Variants in SEPTIN11 observed in about 807,000 individuals in gnomAD.
The protein encoded by SEPTIN11 is septin-11.
SEPTIN11 carries 25 observed loss-of-function variants against 51.4 expected under a neutral mutation model. That is an observed-to-expected ratio of 0.49 (90% CI 0.35 to 0.68). SEPTIN11 has a LOEUF of 0.68. SEPTIN11 is among the 30% of genes least tolerant of loss of function. The probability of loss-of-function intolerance (pLI) is 0.00; values close to 1 mark genes in which losing one functional copy is unlikely to be tolerated. For synonymous variants in SEPTIN11, 174 were observed against 184.1 expected, an observed-to-expected ratio of 0.95 and a Z score of 0.44; for missense variants, 381 against 520.8, an observed-to-expected ratio of 0.73 and a Z score of 2.61.
chr4:76,983,986 G>A (rs1239027283), intron 1 of SEPTIN11, among the ~76,000 whole-genome samples: 6 of 152,064 alleles, frequency 3.9e-5, no homozygotes, highest in African/African-American at 1.2e-4. Context: ...CAGCCTAGGC[G>A]ACAGAGCAAG....
At chr4:77,014,188 T>C (rs1725060761) in intron 4 of SEPTIN11, among the ~76,000 whole-genome samples, 1 of 152,260 alleles carries the variant, frequency 6.6e-6, no homozygotes, top group Non-Finnish European at 1.5e-5. Flanking sequence ...ATGGAATTAC[T>C]GATTTTCAAA....
chr4:77,016,615 C>CACACATATATATATATATAT (rs1553975015), intron 5 of SEPTIN11, among the ~76,000 whole-genome samples: 1 of 79,192 alleles, frequency 1.3e-5, no homozygotes, highest in African/African-American at 4.7e-5. Context: ...TATATATACA[C>CACACATATATATATATATAT]ATATATATAT....
chr4:77,010,502 T>C (rs919654674), intron 3 of SEPTIN11, among the ~76,000 whole-genome samples: 4 of 152,020 alleles, frequency 2.6e-5, no homozygotes, highest in East Asian at 1.9e-4. Context: ...TCTACTCTAA[T>C]TGAACCAATA....
At chr4:76,981,591 G>T (rs1722772074) in intron 1 of SEPTIN11, among the ~76,000 whole-genome samples, 1 of 152,166 alleles carries the variant, frequency 6.6e-6, no homozygotes, top group Non-Finnish European at 1.5e-5. Flanking sequence ...GCTAGTGGGA[G>T]TATTTATTGA....
chr4:76,960,779 A>G (rs542784253), intron 1 of SEPTIN11, among the ~76,000 whole-genome samples: 5 of 152,330 alleles, frequency 3.3e-5, no homozygotes, highest in East Asian at 1.9e-4. Context: ...ATGAGTGACA[A>G]TGTCAAAACC....
chr4:77,005,290 T>G (rs1467725961), intron 2 of SEPTIN11, among the ~76,000 whole-genome samples: 5 of 152,226 alleles, frequency 3.3e-5, no homozygotes, highest in Non-Finnish European at 4.4e-5. Flanking sequence ...ATGTTCTTGT[T>G]CTTGTAATAT....
chr4:76,949,942 G>T lies in SEPTIN11; in HGVS notation c.27+12G>T. ...TGGGGAGACCGTCTGTGAGTGCTGG[G>T]GCCTCGCCTGCTGCTCCTCGGGCGC... On this transcript the variant is annotated intron_variant, in intron 1 of 9. Transcript: ENST00000264893. 1 of 1,482,204 alleles carries T rather than the reference G, an allele frequency of 6.7e-7. No homozygotes were observed. Among genetic ancestry groups the T allele is most frequent in the Non-Finnish European group, 8.9e-7 (1 of 1,122,436 alleles). The allele number at this position is 1,482,204 out of a possible 1,614,324, so 91.8% of individuals were successfully genotyped here.
chr4:76,982,764 A>C (rs1722831071), intron 1 of SEPTIN11, among the ~76,000 whole-genome samples: 1 of 152,166 alleles, frequency 6.6e-6, no homozygotes, highest in Non-Finnish European at 1.5e-5. Context: ...AAACATTTGC[A>C]GTTTACTTTC....
At chr4:76,976,222 T>A (rs992750283) in intron 1 of SEPTIN11, among the ~76,000 whole-genome samples, 2 of 152,028 alleles carry the variant, frequency 1.3e-5, no homozygotes, top group South Asian at 4.1e-4. Context: ...CATTTTCTGC[T>A]TTTTTTTGGC....
chr4:76,985,485 A>T (rs552781547), intron 1 of SEPTIN11, among the ~76,000 whole-genome samples: 1 of 152,300 alleles, frequency 6.6e-6, no homozygotes, highest in East Asian at 1.9e-4. Context: ...TCCTAAGGGC[A>T]TATGAGAAAT....
At chr4:76,958,531 TG>T (rs1380872007) in intron 1 of SEPTIN11, among the ~76,000 whole-genome samples, 1 of 152,252 alleles carries the variant, frequency 6.6e-6, no homozygotes, top group Non-Finnish European at 1.5e-5. Flanking sequence ...CCTTGCATTT[TG>T]GGGAAACCTA....
intron 1 of SEPTIN11, among the ~76,000 whole-genome samples, chr4:76,980,549 T>A (rs1109003): frequency 0.39 from 58,631 of 152,064 alleles, 11,625 homozygotes; most frequent in Non-Finnish European, 0.43. Flanking sequence ...TTTGGTGCAG[T>A]TGTGGCAAAA....
At chr4:76,997,269 C>T (rs1723790964) in intron 2 of SEPTIN11, among the ~76,000 whole-genome samples, 1 of 152,140 alleles carries the variant, frequency 6.6e-6, no homozygotes, top group African/African-American at 2.4e-5. Flanking sequence ...GCATTTCCCT[C>T]TGAGACATCA....
chr4:77,016,637 T>TATATATATATATACAC (rs1553975073), intron 5 of SEPTIN11, among the ~76,000 whole-genome samples: 1 of 93,544 alleles, frequency 1.1e-5, no homozygotes, highest in South Asian at 3.5e-4. Context: ...TATACACATA[T>TATATATATATATACAC]ATATATATAT....
At chr4:77,021,035 T>C (rs1223680983) in intron 7 of SEPTIN11, 1 of 176,434 alleles carries the variant, frequency 5.7e-6, no homozygotes, top group African/African-American at 2.4e-5. Flanking sequence ...CTGGTCGATA[T>C]ATTTACAAAG....
chr4:76,949,971 G>A (rs777217172), intron 1 of SEPTIN11, 41 bp downstream of exon 1: 61 of 1,433,290 alleles, frequency 4.3e-5, no homozygotes, highest in Middle Eastern at 2.4e-4. Context: ...CGGGCGCCGG[G>A]TGGTCTCTGC....
chr4:76,980,001 A>G (rs959262286), intron 1 of SEPTIN11, among the ~76,000 whole-genome samples: 4 of 152,224 alleles, frequency 2.6e-5, no homozygotes, highest in Admixed American at 6.5e-5. Flanking sequence ...TTGCTAAACC[A>G]TACTTAGTAT....
chr4:76,956,962 A>ATGTGTATGTG, intron 1 of SEPTIN11, among the ~76,000 whole-genome samples: 1 of 119,118 alleles, frequency 8.4e-6, no homozygotes, highest in Non-Finnish European at 1.7e-5. Flanking sequence ...TAGTAGAATG[A>ATGTGTATGTG]TGTGTGTGTG....
intron 1 of SEPTIN11, among the ~76,000 whole-genome samples, chr4:76,962,850 C>A (rs1721879924): frequency 6.6e-6 from 1 of 152,106 alleles, no homozygotes; most frequent in African/African-American, 2.4e-5. Context: ...CACTCACATA[C>A]CCCACATGGG....
Sources: allele counts gnomAD v4.1 joint callset (sites outside exome capture counted in the v4.1 genomes callset), GRCh38; gene constraint gnomAD v4.1.1; transcripts MANE v1.5; gene names NCBI Gene and HGNC (gene_info 2026-07-23, HGNC 2026-07-21).